Variants in SHISA9 observed in about 807,000 individuals in gnomAD.
SHISA9 encodes the protein protein shisa-9.
SHISA9 carries 13 observed loss-of-function variants against 38.0 expected under a neutral mutation model. The observed-to-expected ratio is 0.34, with a 90% CI of 0.22 to 0.54. The LOEUF (loss-of-function observed/expected upper bound fraction) is 0.54. Among genes scored for constraint, SHISA9 ranks in the 20% least tolerant of loss-of-function variants. The probability of loss-of-function intolerance (pLI) is 0.91; values close to 1 mark genes in which losing one functional copy is unlikely to be tolerated. For missense variants in SHISA9, 538 were observed against 575.8 expected, an observed-to-expected ratio of 0.93 and a Z score of 0.67; for synonymous variants, 275 against 242.0, an observed-to-expected ratio of 1.14 and a Z score of -1.27.
In SHISA9 at chr16:13,239,100, C is replaced by G; in HGVS notation, c.*3691C>G. 1 of 148,420 alleles carries G rather than the reference C, an allele frequency of 6.7e-6. No individual in the cohort carries two copies. The allele number at this position is 148,420 out of a possible 1,614,324, so 9.2% of individuals were successfully genotyped here. A position where few individuals can be genotyped will look rare whatever the true frequency, so the allele number is the denominator to read the frequency against. ...AACATGCAGTGTTTGGTTTTTTTGT[C>G]CTTGCGATAGTTTACTGAGAATGAT... On this transcript the variant is annotated 3_prime_UTR_variant, in exon 5 of 5. Coordinates refer to ENST00000558583, the MANE Select transcript of SHISA9 (RefSeq NM_001145204.3).
the SHISA9 span, among the ~76,000 whole-genome samples, chr16:13,437,864 CTTTTTT>C: frequency 1.2e-4 from 13 of 104,506 alleles, no homozygotes; most frequent in Middle Eastern, 5.1e-3. Flanking sequence ...CTTTTTTTTT[CTTTTTT>C]TTTTTTTTTT....
the SHISA9 span, among the ~76,000 whole-genome samples, chr16:13,271,343 C>A: frequency 6.6e-6 from 1 of 152,120 alleles, no homozygotes; most frequent in Admixed American, 6.5e-5. Context: ...GAGCTCCATC[C>A]CCAAGCCCAT....
chr16:13,556,742 C>T, the SHISA9 span, among the ~76,000 whole-genome samples: 1 of 152,046 alleles, frequency 6.6e-6, no homozygotes, highest in African/African-American at 2.4e-5. Context: ...TCAGATTCAA[C>T]CAATCACAGA....
chr16:13,203,158 G>A, intron 2 of SHISA9: 1 of 376,612 alleles, frequency 2.7e-6, no homozygotes, highest in Non-Finnish European at 4.7e-6. Context: ...AGTTTAACAT[G>A]TTTTGAGCAC....
chr16:13,115,824 C>A (rs1327049370), intron 2 of SHISA9, among the ~76,000 whole-genome samples: 1 of 152,214 alleles, frequency 6.6e-6, no homozygotes. Flanking sequence ...TTTGCAAACC[C>A]TGCACTAACA....
the SHISA9 span, among the ~76,000 whole-genome samples, chr16:13,415,587 A>C: frequency 2.5e-4 from 38 of 152,336 alleles, no homozygotes; most frequent in African/African-American, 8.4e-4. Context: ...CTGAACTTAA[A>C]GGTTAAATAC....
chr16:13,064,083 G>A (rs1343210882), intron 2 of SHISA9, among the ~76,000 whole-genome samples: 1 of 152,144 alleles, frequency 6.6e-6, no homozygotes, highest in East Asian at 1.9e-4. Flanking sequence ...TGTTTTGAGG[G>A]TTTTTGAGAT....
At chr16:13,019,835 T>TTTCA in intron 2 of SHISA9, among the ~76,000 whole-genome samples, 1 of 67,902 alleles carries the variant, frequency 1.5e-5, no homozygotes, top group East Asian at 5.5e-4. Context: ...TTTCTTTCTT[T>TTTCA]TTCCTTCCTT....
chr16:13,181,138 T>A (rs1192419765), intron 2 of SHISA9, among the ~76,000 whole-genome samples: 3 of 151,422 alleles, frequency 2.0e-5, no homozygotes, highest in Non-Finnish European at 4.4e-5. Context: ...TGGAGGAAAA[T>A]AATGGGTTTT....
intron 2 of SHISA9, among the ~76,000 whole-genome samples, chr16:13,064,099 C>T (rs1463030703): frequency 6.6e-6 from 1 of 152,112 alleles, no homozygotes; most frequent in Non-Finnish European, 1.5e-5. Flanking sequence ...GAGATGGAGT[C>T]TCACTGTGTT....
At chr16:13,370,147 A>G in the SHISA9 span, among the ~76,000 whole-genome samples, 1 of 152,140 alleles carries the variant, frequency 6.6e-6, no homozygotes, top group Non-Finnish European at 1.5e-5. Context: ...GGTATAAGGT[A>G]TTTCCCGGGG....
In SHISA9 at chr16:13,185,199, A is replaced by G. The variant is rs533616369; in HGVS notation, c.692-18195A>G. ...ATGCATTTTAATGTTTATTTTTTATATCTTTGTTTGCTTGTTCTTAGAAAC... is the reference window on the plus strand; with the variant it reads ...ATGCATTTTAATGTTTATTTTTTATGTCTTTGTTTGCTTGTTCTTAGAAAC... On this transcript the variant is annotated intron_variant, in intron 2 of 4. Transcript: ENST00000558583. Among the ~76,000 whole-genome samples the G allele has an allele frequency of 7.2e-5, 11 of 152,174 alleles. No homozygotes were observed. In the East Asian group the frequency reaches 1.9e-3, roughly 27 times the overall value.
At chr16:13,417,091 C>T in the SHISA9 span, among the ~76,000 whole-genome samples, 1 of 152,126 alleles carries the variant, frequency 6.6e-6, no homozygotes, top group Non-Finnish European at 1.5e-5. Flanking sequence ...TCCTGCTTGC[C>T]GAAGGCACCT....
At chr16:13,310,876 G>A in the SHISA9 span, among the ~76,000 whole-genome samples, 2 of 151,888 alleles carry the variant, frequency 1.3e-5, no homozygotes, top group Admixed American at 6.6e-5. Context: ...TAGAGACGGG[G>A]TTTCATCCTG....
At chr16:12,999,781 C>A (rs972110320) in intron 2 of SHISA9, among the ~76,000 whole-genome samples, 2 of 152,146 alleles carry the variant, frequency 1.3e-5, no homozygotes, top group African/African-American at 2.4e-5. Context: ...AGGTTGACTT[C>A]CTACAGCCAG....
the SHISA9 span, among the ~76,000 whole-genome samples, chr16:13,365,859 T>A: frequency 6.6e-6 from 1 of 151,960 alleles, no homozygotes; most frequent in African/African-American, 2.4e-5. Flanking sequence ...CAGAAATGAG[T>A]CCCAGGTCTG....
chr16:13,006,177 G>T (rs749936551), intron 2 of SHISA9, among the ~76,000 whole-genome samples: 3 of 152,156 alleles, frequency 2.0e-5, no homozygotes, highest in Non-Finnish European at 2.9e-5. Context: ...ATGATTTGAA[G>T]GAGAGAAAAA....
At chr16:13,373,212 T>C in the SHISA9 span, among the ~76,000 whole-genome samples, 1 of 152,230 alleles carries the variant, frequency 6.6e-6, no homozygotes, top group Non-Finnish European at 1.5e-5. Flanking sequence ...TCCTAATTGA[T>C]ACAAACTGTT....
chr16:13,211,034 T>A (rs1185641193), intron 3 of SHISA9, among the ~76,000 whole-genome samples: 1 of 152,202 alleles, frequency 6.6e-6, no homozygotes, highest in African/African-American at 2.4e-5. Context: ...CAGTGGCTCA[T>A]GCCTATAATC....
Sources: allele counts gnomAD v4.1 joint callset (sites outside exome capture counted in the v4.1 genomes callset), GRCh38; gene constraint gnomAD v4.1.1; transcripts MANE v1.5; gene names NCBI Gene and HGNC (gene_info 2026-07-23, HGNC 2026-07-21).